Variants in FBXL17 observed in about 807,000 individuals in gnomAD.
The protein encoded by FBXL17 is F-box and leucine rich repeat protein 17, also known as F-box/LRR-repeat protein 17.
In FBXL17, 22 loss-of-function variants were observed where a neutral mutation model predicts 66.2. That is an observed-to-expected ratio of 0.33 (90% CI 0.24 to 0.47). The LOEUF (loss-of-function observed/expected upper bound fraction) is 0.47, where lower values mean the gene tolerates loss of function less well. Among genes scored for constraint, FBXL17 ranks in the 20% least tolerant of loss-of-function variants. The pLI is 1.00. For missense variants in FBXL17, 878 were observed against 948.2 expected (o/e 0.93, Z 0.97); for synonymous variants, 474 against 400.5 (o/e 1.18, Z -2.19).
intron 4 of FBXL17, among the ~76,000 whole-genome samples, chr5:108,311,943 GA>G (rs965839097): frequency 6.6e-6 from 1 of 152,088 alleles, no homozygotes; most frequent in Non-Finnish European, 1.5e-5. Flanking sequence ...AACTATTATA[GA>G]AAACCTATTC....
At chr5:108,287,253 A>G (rs1329403922) in intron 4 of FBXL17, among the ~76,000 whole-genome samples, 1 of 152,008 alleles carries the variant, frequency 6.6e-6, no homozygotes, top group Non-Finnish European at 1.5e-5. Flanking sequence ...TGCAACAAAA[A>G]CAAAAATTGA....
At chr5:108,000,777 T>A (rs1025408588) in intron 7 of FBXL17, among the ~76,000 whole-genome samples, 2 of 152,218 alleles carry the variant, frequency 1.3e-5, no homozygotes, top group African/African-American at 4.8e-5. Flanking sequence ...GTTAAAAGCA[T>A]TTAAATCAAC....
chr5:108,347,696 T>C (rs997907214), intron 4 of FBXL17, among the ~76,000 whole-genome samples: 1 of 152,138 alleles, frequency 6.6e-6, no homozygotes, highest in African/African-American at 2.4e-5. Context: ...TGGGGAGGGA[T>C]AGCTAATGGG....
chr5:107,973,698 A>G (rs1752470271), intron 7 of FBXL17, among the ~76,000 whole-genome samples: 1 of 152,012 alleles, frequency 6.6e-6, no homozygotes, highest in Non-Finnish European at 1.5e-5. Flanking sequence ...TAATCTCCAA[A>G]CTTAATCAGT....
chr5:108,113,717 A>G (rs1743235008), intron 6 of FBXL17, among the ~76,000 whole-genome samples: 5 of 152,146 alleles, frequency 3.3e-5, no homozygotes, highest in Admixed American at 3.3e-4. Flanking sequence ...CTAAATTGGT[A>G]AAATACCTAA....
intron 7 of FBXL17, among the ~76,000 whole-genome samples, chr5:107,962,750 T>C (rs539650160): frequency 7.9e-5 from 12 of 152,170 alleles, no homozygotes; most frequent in African/African-American, 2.9e-4. Context: ...TAATTTTTTT[T>C]CATAAATTAG....
At chr5:108,078,751 T>A (rs1463264707) in intron 6 of FBXL17, among the ~76,000 whole-genome samples, 1 of 152,210 alleles carries the variant, frequency 6.6e-6, no homozygotes, top group Non-Finnish European at 1.5e-5. Context: ...TTTATCACCA[T>A]TACTTGTTTT....
At chr5:108,359,950 C>T (rs1461473055) in intron 3 of FBXL17, among the ~76,000 whole-genome samples, 1 of 151,920 alleles carries the variant, frequency 6.6e-6, no homozygotes, top group Admixed American at 6.6e-5. Flanking sequence ...TCAATTTTTG[C>T]TATATATATT....
intron 6 of FBXL17, among the ~76,000 whole-genome samples, chr5:108,047,424 C>A (rs938980055): frequency 3.3e-5 from 5 of 152,182 alleles, no homozygotes. Flanking sequence ...CTGCCAGGTC[C>A]CCAGGGGGAG....
chr5:108,001,556 A>G (rs1433615222), intron 7 of FBXL17, among the ~76,000 whole-genome samples: 1 of 151,952 alleles, frequency 6.6e-6, no homozygotes. Flanking sequence ...GCTGGAGTGC[A>G]GCGGTGCTAT....
At chr5:108,235,385 A>C (rs779398933) in intron 4 of FBXL17, among the ~76,000 whole-genome samples, 7 of 152,214 alleles carry the variant, frequency 4.6e-5, no homozygotes, top group African/African-American at 1.7e-4. Flanking sequence ...TCGTTATACT[A>C]GCACTGTAAA....
chr5:108,050,001 A>G (rs1747408371), intron 6 of FBXL17, among the ~76,000 whole-genome samples: 1 of 150,046 alleles, frequency 6.7e-6, no homozygotes, highest in Admixed American at 6.7e-5. Flanking sequence ...AGGGCATTAC[A>G]TAAAGGTAAA....
intron 7 of FBXL17, among the ~76,000 whole-genome samples, chr5:107,892,472 C>T (rs1749228533): frequency 6.6e-6 from 1 of 152,048 alleles, no homozygotes; most frequent in Non-Finnish European, 1.5e-5. Context: ...AATTTTTCAA[C>T]ATTATGCAAG....
chr5:108,139,335 A>G (rs1052604500), intron 6 of FBXL17, among the ~76,000 whole-genome samples: 1 of 152,214 alleles, frequency 6.6e-6, no homozygotes, highest in Non-Finnish European at 1.5e-5. Flanking sequence ...AATTCAGTCT[A>G]TTGTCATATA....
chr5:108,377,292 G>T (rs1217929542), intron 1 of FBXL17, among the ~76,000 whole-genome samples: 1 of 152,116 alleles, frequency 6.6e-6, no homozygotes, highest in African/African-American at 2.4e-5. Context: ...TCCCTTTATG[G>T]TTCTCTCATT....
At chr5:108,341,657 A>T (rs1485122151) in intron 4 of FBXL17, among the ~76,000 whole-genome samples, 1 of 152,118 alleles carries the variant, frequency 6.6e-6, no homozygotes. Context: ...AGACTTTCAA[A>T]TTTCACAGCA....
chr5:108,263,734 A>T (rs1292719779), intron 4 of FBXL17, among the ~76,000 whole-genome samples: 2 of 152,202 alleles, frequency 1.3e-5, no homozygotes, highest in Non-Finnish European at 2.9e-5. Flanking sequence ...CATAAAAAAC[A>T]CATCTATGTA....
chr5:107,890,623 C>T (rs1749167511), intron 7 of FBXL17, among the ~76,000 whole-genome samples: 1 of 150,652 alleles, frequency 6.6e-6, no homozygotes, highest in African/African-American at 2.4e-5. Flanking sequence ...AAGATCACAC[C>T]ACTACACTCC....
At position 108,381,636 on chromosome 5, in the gene FBXL17, C is replaced by G; in HGVS notation, c.56G>C (p.Arg19Pro). The G allele has an allele frequency of 2.0e-6, 3 of 1,490,024 alleles. No homozygotes were observed. Among genetic ancestry groups the G allele is most frequent in the Non-Finnish European group, 2.7e-6 (3 of 1,124,358 alleles). 92.3% of individuals were successfully genotyped at this position (1,490,024 alleles called of 1,614,324 possible). A position where few individuals can be genotyped will look rare whatever the true frequency, so the allele number is the denominator to read the frequency against. Reference protein sequence around the residue: ...PRNRPSQKRPRCCSWCRRRRP... With the variant: ...PRNRPSQKRPPCCSWCRRRRP... ...CCGGCGGCGGCACCAACTGCAACAG[C>G]GAGGCCTCTTCTGGCTCGGGCGGTT... The change falls in exon 1 of 9, where the codon CGC becomes CCC. Residue 19 changes from arginine to proline, a missense_variant. Physicochemically the swap from Arg to Pro is moderately radical, Grantham distance 103. This residue lies in a region of FBXL17 where 605 missense variants were observed against 509.5 expected (regional missense o/e 1.19). Coordinates refer to ENST00000542267, the MANE Select transcript of FBXL17 (RefSeq NM_001163315.3).
Sources: allele counts gnomAD v4.1 joint callset (sites outside exome capture counted in the v4.1 genomes callset), GRCh38; gene constraint gnomAD v4.1.1; regional missense constraint gnomAD v4.1.1; transcripts MANE v1.5; gene names NCBI Gene and HGNC (gene_info 2026-07-23, HGNC 2026-07-21).